Variants in MAPK10 observed in about 807,000 individuals in gnomAD.
MAPK10 encodes the protein mitogen-activated protein kinase 10.
A neutral mutation model predicts 59.3 loss-of-function variants in MAPK10; 25 were observed. The observed-to-expected ratio is 0.42, with a 90% CI of 0.31 to 0.59. The LOEUF (loss-of-function observed/expected upper bound fraction) is 0.59, where lower values mean the gene tolerates loss of function less well. MAPK10 is among the 20% of genes least tolerant of loss of function. The pLI, the probability that MAPK10 is intolerant of heterozygous loss-of-function variation, is 0.15. For missense variants in MAPK10, 351 were observed against 568.9 expected (o/e 0.62, Z 3.90); for synonymous variants, 190 against 200.5 (o/e 0.95, Z 0.44).
At chr4:86,251,272 C>G (rs188795491) in intron 2 of MAPK10, among the ~76,000 whole-genome samples, 18 of 151,770 alleles carry the variant, frequency 1.2e-4, no homozygotes, top group African/African-American at 4.3e-4. Flanking sequence ...TGCGCTGCAC[C>G]CACTAACTCG....
upstream of MAPK10, among the ~76,000 whole-genome samples, chr4:86,362,422 A>G (rs1448238074): frequency 6.6e-6 from 1 of 151,908 alleles, no homozygotes; most frequent in Admixed American, 6.6e-5. Flanking sequence ...CCATAAAAAA[A>G]AAAAAGAGAC....
At chr4:86,153,548 GAC>G (rs1477362111) in intron 4 of MAPK10, among the ~76,000 whole-genome samples, 1 of 152,116 alleles carries the variant, frequency 6.6e-6, no homozygotes, top group South Asian at 2.1e-4. Context: ...TATACATAAG[GAC>G]ACACATATAA....
chr4:86,038,997 T>C lies in MAPK10; in HGVS notation c.1111-7566A>G, dbSNP rs376704847. On this transcript the variant is annotated intron_variant, in intron 11 of 13. Transcript: ENST00000641462. Reference sequence around the variant, plus strand: ...CATTTTGTGATGTACTATCCGTTGATTATTAAAAATTGCTTCAGCAAGTTT... The same window carrying C: ...CATTTTGTGATGTACTATCCGTTGACTATTAAAAATTGCTTCAGCAAGTTT... Among the ~76,000 whole-genome samples, 11 of 152,310 alleles carry C rather than the reference T, an allele frequency of 7.2e-5. No individual in the cohort carries two copies. In the East Asian group the frequency reaches 1.4e-3, roughly 19 times the overall value.
chr4:86,302,650 C>T (rs61181261), intron 2 of MAPK10, among the ~76,000 whole-genome samples: 3,296 of 152,208 alleles, frequency 0.022, 114 homozygotes, highest in African/African-American at 0.073. Context: ...AATCACTCTT[C>T]GCTTCAGAAA....
chr4:86,124,394 G>A (rs1167907323), intron 4 of MAPK10: 2 of 151,696 alleles, frequency 1.3e-5, no homozygotes, highest in East Asian at 1.9e-4. Flanking sequence ...CATAGCAATC[G>A]GCATATTTTC....
chr4:86,322,836 A>G (rs1011493767), intron 2 of MAPK10, among the ~76,000 whole-genome samples: 1 of 152,254 alleles, frequency 6.6e-6, no homozygotes, highest in African/African-American at 2.4e-5. Flanking sequence ...GCCAGGAAAT[A>G]GAAAAATGTT....
intron 4 of MAPK10, among the ~76,000 whole-genome samples, chr4:86,137,947 A>C (rs1258362659): frequency 2.2e-5 from 3 of 138,136 alleles, no homozygotes; most frequent in East Asian, 2.1e-4. Context: ...GAAATGGATA[A>C]ATTCCTCGAC....
chr4:86,372,236 A>G (rs1298361369), intron 1 of MAPK10, among the ~76,000 whole-genome samples: 2 of 152,188 alleles, frequency 1.3e-5, no homozygotes, highest in Non-Finnish European at 2.9e-5. Flanking sequence ...AACTCACTCA[A>G]GGGCAGGCAC....
At chr4:86,025,438 A>G in intron 13 of MAPK10, 2 of 398,056 alleles carry the variant, frequency 5.0e-6, no homozygotes, top group Non-Finnish European at 8.9e-6. Context: ...CGTAAGGGAC[A>G]AGACATGGGC....
intron 2 of MAPK10, among the ~76,000 whole-genome samples, chr4:86,267,923 G>C (rs545942647): frequency 2.0e-5 from 3 of 152,032 alleles, no homozygotes; most frequent in Non-Finnish European, 4.4e-5. Flanking sequence ...TCATTACTTG[G>C]CTCGCTCTAT....
At chr4:86,238,223 A>C (rs72605294) in intron 2 of MAPK10, among the ~76,000 whole-genome samples, 6 of 152,064 alleles carry the variant, frequency 3.9e-5, no homozygotes, top group Admixed American at 2.6e-4. Flanking sequence ...TTTTGTACCA[A>C]TACCATACTG....
At chr4:86,346,673 C>G (rs2904100) in intron 2 of MAPK10, among the ~76,000 whole-genome samples, 109,474 of 150,994 alleles carry the variant, frequency 0.73, 40,420 homozygotes, top group South Asian at 0.9. Flanking sequence ...AAAAGTCAGC[C>G]CTCCGTATCT....
intron 1 of MAPK10, among the ~76,000 whole-genome samples, chr4:86,558,832 G>GA (rs55928790): frequency 0.3 from 42,312 of 142,346 alleles, 6,003 homozygotes; most frequent in Admixed American, 0.34. Flanking sequence ...AAACTTTCAG[G>GA]AAAAAAAAAA....
At chr4:86,146,674 GTC>G (rs1246465312) in intron 4 of MAPK10, among the ~76,000 whole-genome samples, 8 of 152,328 alleles carry the variant, frequency 5.3e-5, no homozygotes, top group Admixed American at 5.2e-4. Flanking sequence ...GCTTTCATCA[GTC>G]TCTCTCCTCA....
At chr4:86,204,913 T>C (rs973866776) in intron 2 of MAPK10, among the ~76,000 whole-genome samples, 2 of 152,010 alleles carry the variant, frequency 1.3e-5, no homozygotes, top group Non-Finnish European at 2.9e-5. Flanking sequence ...TATAAAAAAA[T>C]GTTCTTTCCA....
At chr4:86,444,955 T>C (rs1023368726) in intron 1 of MAPK10, among the ~76,000 whole-genome samples, 6 of 152,188 alleles carry the variant, frequency 3.9e-5, no homozygotes, top group African/African-American at 1.4e-4. Flanking sequence ...ATAGGAATGC[T>C]TTTACACTGT....
intron 1 of MAPK10, among the ~76,000 whole-genome samples, chr4:86,516,334 C>A (rs917001127): frequency 1.2e-4 from 18 of 152,026 alleles, no homozygotes; most frequent in Non-Finnish European, 2.4e-4. Flanking sequence ...CAGATTTGTT[C>A]TTTTTATTTA....
chr4:86,492,200 A>C (rs926962294), intron 1 of MAPK10, among the ~76,000 whole-genome samples: 1 of 152,212 alleles, frequency 6.6e-6, no homozygotes, highest in Non-Finnish European at 1.5e-5. Context: ...CAATGCTAAA[A>C]TAGCAGTTAC....
intron 1 of MAPK10, among the ~76,000 whole-genome samples, chr4:86,443,215 C>G (rs1040928197): frequency 2.6e-5 from 4 of 151,810 alleles, no homozygotes; most frequent in Non-Finnish European, 5.9e-5. Context: ...GGAGCTCTAT[C>G]AGCTTCTCAC....
Sources: allele counts gnomAD v4.1 joint callset (sites outside exome capture counted in the v4.1 genomes callset), GRCh38; gene constraint gnomAD v4.1.1; transcripts MANE v1.5; gene names NCBI Gene and HGNC (gene_info 2026-07-23, HGNC 2026-07-21).